Variants in INSR observed in about 807,000 individuals in gnomAD.
INSR encodes IR.
In INSR, 67 loss-of-function variants were observed where a neutral mutation model predicts 142.6. That is an observed-to-expected ratio of 0.47 (90% CI 0.39 to 0.58). The LOEUF (loss-of-function observed/expected upper bound fraction) is 0.58, where lower values mean the gene tolerates loss of function less well. Among genes scored for constraint, INSR ranks in the 20% least tolerant of loss-of-function variants. The pLI, the probability that INSR is intolerant of heterozygous loss-of-function variation, is 0.00. For missense variants in INSR, 1,248 were observed against 1,833.2 expected (o/e 0.68, Z 5.83); for synonymous variants, 756 against 743.1 (o/e 1.02, Z -0.28).
At position 7,119,759 on chromosome 19, in the gene INSR, TACAC is replaced by T. The variant is rs201739191; in HGVS notation, c.3660-180_3660-177del. Among the ~76,000 whole-genome samples the T allele has an allele frequency of 4.2e-5, 5 of 118,858 alleles. No individual in the cohort carries two copies. Among genetic ancestry groups the T allele is most frequent in the African/African-American group, 1.0e-4 (3 of 29,416 alleles). 78.0% of individuals were successfully genotyped at this position (118,858 alleles called of 152,430 possible). ...ACATACACGTGCACACACATGCAAA[TACAC>T]ACAAACACGCATGCGCACACATGCA... is the stretch of plus-strand genomic sequence containing the variant. On this transcript the variant is annotated intron_variant, in intron 20 of 21. Transcript: ENST00000302850. The surrounding 1 kb of genome is among the most constrained non-coding windows in gnomAD (Gnocchi z 5.2).
chr19:7,126,748 T>C, intron 15 of INSR, 97 bp from the exon 16 acceptor site: 2 of 1,089,116 alleles, frequency 1.8e-6, no homozygotes, highest in Non-Finnish European at 2.8e-6. Context: ...TGGCAGCCCT[T>C]ACCAGCAGAA....
At chr19:7,218,167 G>A (rs987195193) in intron 2 of INSR, among the ~76,000 whole-genome samples, 8 of 151,970 alleles carry the variant, frequency 5.3e-5, no homozygotes, top group African/African-American at 1.5e-4. Context: ...CTGACCCCCC[G>A]GGGGTCACGT....
At chr19:7,283,935 G>C (rs997227394) in intron 1 of INSR, among the ~76,000 whole-genome samples, 6 of 152,182 alleles carry the variant, frequency 3.9e-5, no homozygotes, top group Non-Finnish European at 1.5e-5. Context: ...TCTGTTGAAA[G>C]ACACTATTGA....
chr19:7,191,928 GGGAAGGAA>G (rs59709595), intron 2 of INSR, among the ~76,000 whole-genome samples: 94 of 141,556 alleles, frequency 6.6e-4, no homozygotes, highest in East Asian at 6.5e-4. Context: ...GAAAGAAGGA[GGGAAGGAA>G]GGAAGGAAGG....
intron 1 of INSR, among the ~76,000 whole-genome samples, chr19:7,278,319 A>G (rs543142100): frequency 2.0e-4 from 30 of 152,256 alleles, no homozygotes; most frequent in African/African-American, 7.2e-4. Context: ...CAGAAGATGT[A>G]CCGAGGACAT....
rs553275100 is a variant in INSR at position 7,279,864 on chromosome 19, A to C, written c.101-11968T>G. Among the ~76,000 whole-genome samples, 17 of 151,706 alleles carry C rather than the reference A, an allele frequency of 1.1e-4. No homozygotes were observed. In the South Asian group the frequency reaches 2.9e-3, roughly 26 times the overall value. On this transcript the variant is annotated intron_variant, in intron 1 of 21. Coordinates refer to ENST00000302850, the MANE Select transcript of INSR (RefSeq NM_000208.4). ...GTGGTGTGCACCTGTAGTCCCAGCT[A>C]CTCGGGAGGTTGAGGATTGCTCGAG...
At chr19:7,155,555 A>AC (rs1450247972) in intron 9 of INSR, among the ~76,000 whole-genome samples, 1 of 147,344 alleles carries the variant, frequency 6.8e-6, no homozygotes, top group Non-Finnish European at 1.5e-5. Context: ...AAAAAAAAAA[A>AC]AATCTCTGGA....
chr19:7,281,897 T>G (rs1051674265), intron 1 of INSR, among the ~76,000 whole-genome samples: 4 of 152,078 alleles, frequency 2.6e-5, no homozygotes, highest in Non-Finnish European at 5.9e-5. Flanking sequence ...GGCTTTTATA[T>G]AAACCTGATG....
chr19:7,137,094 G>A (rs988829782), intron 13 of INSR, among the ~76,000 whole-genome samples: 1 of 151,916 alleles, frequency 6.6e-6, no homozygotes, highest in African/African-American at 2.4e-5. Context: ...GGCCTCTGAA[G>A]GTACTAGGAT....
At chr19:7,164,454 T>C (rs1388821593) in intron 8 of INSR, among the ~76,000 whole-genome samples, 2 of 150,172 alleles carry the variant, frequency 1.3e-5, no homozygotes, top group South Asian at 2.1e-4. Flanking sequence ...GAGGCCAAGG[T>C]GGGCGGATCA....
At chr19:7,185,509 G>A (rs1222524162) in intron 2 of INSR, among the ~76,000 whole-genome samples, 1 of 152,102 alleles carries the variant, frequency 6.6e-6, no homozygotes, top group Non-Finnish European at 1.5e-5. Flanking sequence ...CTGCCTTTGG[G>A]AGCACAAGGT....
chr19:7,163,230 T>G (rs1568457715), intron 8 of INSR, 31 bp from the exon 9 acceptor site: 1 of 1,592,846 alleles, frequency 6.3e-7, no homozygotes, highest in South Asian at 1.1e-5. Flanking sequence ...GGGTCCATCA[T>G]GAGAAACAGT....
chr19:7,144,400 CCTT>C (rs1302563624), intron 11 of INSR, among the ~76,000 whole-genome samples: 3 of 151,938 alleles, frequency 2.0e-5, no homozygotes, highest in African/African-American at 2.4e-5. Context: ...TAACCATCCT[CCTT>C]ATTTATTTAT....
chr19:7,212,991 A>C (rs1288673178), intron 2 of INSR, among the ~76,000 whole-genome samples: 1 of 152,174 alleles, frequency 6.6e-6, no homozygotes, highest in Non-Finnish European at 1.5e-5. Context: ...GCCAGCAATT[A>C]GAGTCCTTTT....
chr19:7,257,545 A>T (rs1189825735), intron 2 of INSR, among the ~76,000 whole-genome samples: 1 of 149,678 alleles, frequency 6.7e-6, no homozygotes, highest in Non-Finnish European at 1.5e-5. Flanking sequence ...AAAAAAAAAA[A>T]TGCTAATCAT....
chr19:7,185,876 G>A (rs1174661426), intron 2 of INSR, among the ~76,000 whole-genome samples: 1 of 122,288 alleles, frequency 8.2e-6, no homozygotes, highest in Non-Finnish European at 1.7e-5. Flanking sequence ...GAGAGACAAA[G>A]AGAGAGAGAA....
At chr19:7,130,499 C>T (rs561484662) in intron 14 of INSR, among the ~76,000 whole-genome samples, 16 of 152,246 alleles carry the variant, frequency 1.1e-4, no homozygotes, top group East Asian at 1.9e-4. Flanking sequence ...ATCATGGAGG[C>T]GGTTTCTAAT....
chr19:7,142,095 G>A (rs1973083514), intron 12 of INSR, among the ~76,000 whole-genome samples: 1 of 148,912 alleles, frequency 6.7e-6, no homozygotes, highest in South Asian at 2.2e-4. Flanking sequence ...CATAATGATT[G>A]CCTATGACTC....
At chr19:7,278,441 C>G (rs7254921) in intron 1 of INSR, among the ~76,000 whole-genome samples, 16 of 151,976 alleles carry the variant, frequency 1.1e-4, no homozygotes, top group Non-Finnish European at 1.3e-4. Context: ...AGGCAGATAC[C>G]CAACTCTGGA....
Sources: gnomAD v4.1 joint callset for allele counts (sites outside exome capture counted in the v4.1 genomes callset) on GRCh38, gnomAD v4.1.1 for gene constraint, Gnocchi (gnomAD v3.1) non-coding constraint, MANE v1.5 for transcripts, NCBI Gene and HGNC (gene_info 2026-07-23, HGNC 2026-07-21) for gene names.